NAMPT: variants seen among roughly 807,000 people sequenced by gnomAD.
The protein encoded by NAMPT is NAmPRTase.
A neutral mutation model predicts 58.7 loss-of-function variants in NAMPT; 7 were observed. The observed-to-expected ratio is 0.12, with a 90% CI of 0.07 to 0.22. NAMPT has a LOEUF of 0.22. Ranked by LOEUF, NAMPT falls within the 10% of genes least tolerant of loss-of-function variation. The pLI is 1.00. For missense variants in NAMPT, 271 were observed against 567.9 expected, an observed-to-expected ratio of 0.48 and a Z score of 5.31; for synonymous variants, 145 against 198.1, an observed-to-expected ratio of 0.73 and a Z score of 2.25.
At chr7:106,277,602 GACTACTTTACTTGTACAATGA>G (rs1792674581) in intron 1 of NAMPT, among the ~76,000 whole-genome samples, 1 of 152,150 alleles carries the variant, frequency 6.6e-6, no homozygotes, top group African/African-American at 2.4e-5. Context: ...GACTTAACAT[GACTACTTTACTTGTACAATGA>G]GGTACTGAGG....
At chr7:106,274,809 T>G (rs1792602417) in intron 3 of NAMPT, 137 bp downstream of exon 3, 3 of 587,922 alleles carry the variant, frequency 5.1e-6, no homozygotes, top group Non-Finnish European at 6.1e-6. Flanking sequence ...GAGCCGAGAT[T>G]GTGCCACTGC....
At chr7:106,280,226 AG>A (rs1792735384) in intron 1 of NAMPT, among the ~76,000 whole-genome samples, 1 of 152,152 alleles carries the variant, frequency 6.6e-6, no homozygotes, top group Non-Finnish European at 1.5e-5. Flanking sequence ...TTGGAGGTAA[AG>A]GGGAACTACG....
At chr7:106,277,477 C>A (rs887300221) in intron 1 of NAMPT, among the ~76,000 whole-genome samples, 3 of 151,952 alleles carry the variant, frequency 2.0e-5, no homozygotes, top group Admixed American at 6.6e-5. Flanking sequence ...TTCATCCAGG[C>A]GAAGAGAGAG....
chr7:106,261,500 A>G, intron 8 of NAMPT, 88 bp downstream of exon 8: 2 of 1,085,388 alleles, frequency 1.8e-6, no homozygotes, highest in Middle Eastern at 2.4e-4. Context: ...AAGACTTAAA[A>G]TTGTATTTAT....
At chr7:106,272,857 A>G (rs1278808072) in intron 3 of NAMPT, among the ~76,000 whole-genome samples, 199 bp from the exon 4 acceptor site, 8 of 152,214 alleles carry the variant, frequency 5.3e-5, no homozygotes, top group African/African-American at 4.8e-5. Flanking sequence ...ATACGTACTG[A>G]TATTAATTTT....
intron 8 of NAMPT, among the ~76,000 whole-genome samples, chr7:106,255,172 C>T (rs888894934): frequency 6.6e-6 from 1 of 152,114 alleles, no homozygotes; most frequent in African/African-American, 2.4e-5. Context: ...CCTGTATGAA[C>T]AGTTCTAAAA....
chr7:106,259,451 G>A (rs909256810), intron 8 of NAMPT, among the ~76,000 whole-genome samples: 5 of 151,840 alleles, frequency 3.3e-5, no homozygotes, highest in South Asian at 2.1e-4. Flanking sequence ...TTTTTGAGAC[G>A]GAGTTTCACT....
rs1792068733 is a variant in NAMPT at position 106,249,205 on chromosome 7, T to C, written c.*1878A>G. ...AAAATCATTTTAAAATTATTTTATA[T>C]CATGGATTACAGAAGACTTACTAAA... On this transcript the variant is annotated 3_prime_UTR_variant, in exon 11 of 11. Transcript: ENST00000222553. 2.6e-5 allele frequency: 4 copies of C among 152,506 alleles called. No homozygotes were observed. Among genetic ancestry groups the C allele is most frequent in the Non-Finnish European group, 4.4e-5 (3 of 67,980 alleles). The allele number at this position is 152,506 out of a possible 1,614,324, so 9.4% of individuals were successfully genotyped here. A position where few individuals can be genotyped will look rare whatever the true frequency, so the allele number is the denominator to read the frequency against.
intron 8 of NAMPT, among the ~76,000 whole-genome samples, chr7:106,256,940 C>T (rs777636473): frequency 6.6e-6 from 1 of 152,070 alleles, no homozygotes; most frequent in Non-Finnish European, 1.5e-5. Context: ...CTTTGGGAGG[C>T]CGAGGCAGGC....
At position 106,248,961 on chromosome 7, in the gene NAMPT, A is replaced by C. The variant is rs150494853; in HGVS notation, c.*2122T>G. ...CAAAGAGATAGCTTTTTTCACTGCA[A>C]ATTTCTAAATTAAACTCTATTCTGA... is the stretch of plus-strand genomic sequence containing the variant. On this transcript the variant is annotated 3_prime_UTR_variant, in exon 11 of 11. Coordinates refer to ENST00000222553, the MANE Select transcript of NAMPT (RefSeq NM_005746.3). 5 of 152,202 alleles carry C rather than the reference A, an allele frequency of 3.3e-5. No homozygotes were observed. The highest frequency in any genetic ancestry group is 1.2e-4 in the African/African-American group (5 of 41,562). 9.4% of individuals were successfully genotyped at this position (152,202 alleles called of 1,614,324 possible).
At chr7:106,284,720 GCCCCAGCCCCAGCCCCAA>G (rs1170329129) in intron 1 of NAMPT, 90 bp downstream of exon 1, 4 of 853,444 alleles carry the variant, frequency 4.7e-6, no homozygotes, top group Non-Finnish European at 4.5e-6. Context: ...CGCGACCCTA[GCCCCAGCCCCAGCCCCAA>G]CCCCAGCCCC....
At chr7:106,254,258 A>G in intron 9 of NAMPT, 106 bp downstream of exon 9, 1 of 1,268,706 alleles carries the variant, frequency 7.9e-7, no homozygotes, top group Non-Finnish European at 1.1e-6. Flanking sequence ...ACAACATATT[A>G]ACAGTCCACG....
In NAMPT at chr7:106,248,331, C is replaced by A. The variant is rs768667811; in HGVS notation, c.*2752G>T. The A allele has an allele frequency of 6.6e-6, 1 of 152,476 alleles. No homozygotes were observed. Among genetic ancestry groups the A allele is most frequent in the African/African-American group, 2.4e-5 (1 of 41,412 alleles). The allele number at this position is 152,476 out of a possible 1,614,324, so 9.4% of individuals were successfully genotyped here. A position where few individuals can be genotyped will look rare whatever the true frequency, so the allele number is the denominator to read the frequency against. On this transcript the variant is annotated 3_prime_UTR_variant, in exon 11 of 11. Coordinates refer to ENST00000222553, the MANE Select transcript of NAMPT (RefSeq NM_005746.3). ...CTAAACTTTATTTCCATGTTTATTA[C>A]ATGTTTATAACTTGATGTTGAGTAC...
At chr7:106,251,436 A>G (rs1047091378) in intron 10 of NAMPT, among the ~76,000 whole-genome samples, 1 of 152,100 alleles carries the variant, frequency 6.6e-6, no homozygotes, top group Non-Finnish European at 1.5e-5. Flanking sequence ...TTAATACTAC[A>G]TTCTTAAACC....
At chr7:106,253,413 G>T (rs1425220947) in intron 9 of NAMPT, 3 of 363,046 alleles carry the variant, frequency 8.3e-6, no homozygotes, top group African/African-American at 4.2e-5. Flanking sequence ...CCATTTGTAG[G>T]AAGTCTGTGA....
At chr7:106,272,355 A>G in intron 4 of NAMPT, 175 bp downstream of exon 4, 1 of 522,670 alleles carries the variant, frequency 1.9e-6, no homozygotes. Context: ...CTACTAGAAG[A>G]AACCTTAAAG....
rs1792132299 is a variant in NAMPT, at chr7:106,253,097, G to A, written c.1285C>T (p.Arg429Ter). 1 of 1,613,024 alleles carries A rather than the reference G, an allele frequency of 6.2e-7. No homozygotes were observed. Among genetic ancestry groups the A allele is most frequent in the African/African-American group, 1.3e-5 (1 of 74,796 alleles). ...GCTGGCGTCCTATGTAAAGATAATC[G>A]GCCCTTTTTGGACCTTTTGTTGGGA... ...ADPNKRSKKG[R>*]LSLHRTPAGN... is the part of the protein sequence containing the mutation. Residue 429 changes from arginine (R) to a stop codon, truncating the protein, a stop_gained, in exon 10 of 11, where the codon CGA (arginine) becomes TGA (stop). Coordinates refer to ENST00000222553, the MANE Select transcript of NAMPT (RefSeq NM_005746.3). LOFTEE classifies it high-confidence loss of function.
At chr7:106,257,092 T>G (rs996296819) in intron 8 of NAMPT, among the ~76,000 whole-genome samples, 30 of 151,158 alleles carry the variant, frequency 2.0e-4, no homozygotes, top group Admixed American at 1.7e-3. Flanking sequence ...TGCAGTGAGC[T>G]GAGATTGTGC....
At chr7:106,254,320 C>T (rs371703567) in intron 9 of NAMPT, 44 bp downstream of exon 9, 1 of 1,602,252 alleles carries the variant, frequency 6.2e-7, no homozygotes, top group African/African-American at 1.3e-5. Flanking sequence ...TACCTAGATA[C>T]ATAAGGAAGG....
Sources: allele counts gnomAD v4.1 joint callset (sites outside exome capture counted in the v4.1 genomes callset), GRCh38; gene constraint gnomAD v4.1.1; transcripts MANE v1.5; gene names NCBI Gene and HGNC (gene_info 2026-07-23, HGNC 2026-07-21).